KIAA1549: variants seen among roughly 807,000 people sequenced by gnomAD.
KIAA1549 encodes UPF0606 protein KIAA1549.
Under a neutral mutation model 156.4 loss-of-function variants are expected in KIAA1549, and 70 were observed. The observed-to-expected ratio is 0.45, with a 90% confidence interval of 0.37 to 0.55. The LOEUF (loss-of-function observed/expected upper bound fraction) is 0.55. KIAA1549 is among the 20% of genes least tolerant of loss of function. The probability of loss-of-function intolerance (pLI) is 0.00; values close to 1 mark genes in which losing one functional copy is unlikely to be tolerated. For missense variants in KIAA1549, 2,428 were observed against 2,540.9 expected (o/e 0.96, Z 0.96); for synonymous variants, 1,103 against 1,066.4 (o/e 1.03, Z -0.67).
At position 138,951,961 on chromosome 7, in the gene KIAA1549, G is replaced by A. The variant is rs543128465; in HGVS notation, c.187+29122C>T. Among the ~76,000 whole-genome samples the A allele has an allele frequency of 9.9e-5, 15 of 152,220 alleles. No individual in the cohort carries two copies. The East Asian group carries it at 2.9e-3, about 29-fold the overall frequency. ...TACTAAAAGAATCGCCTCTGGAATC[G>A]AACAATCTGGACTGGAATCTCCATG... On this transcript the variant is annotated intron_variant, in intron 1 of 19. Transcript: ENST00000422774.
intron 1 of KIAA1549, among the ~76,000 whole-genome samples, chr7:138,964,659 A>T (rs1440096863): frequency 6.6e-6 from 1 of 152,200 alleles, no homozygotes; most frequent in Non-Finnish European, 1.5e-5. Context: ...GAACAATCAG[A>T]GAAATGCACC....
intron 13 of KIAA1549, among the ~76,000 whole-genome samples, chr7:138,870,653 T>C (rs1810901075): frequency 6.6e-6 from 1 of 152,200 alleles, no homozygotes; most frequent in Non-Finnish European, 1.5e-5. Context: ...TTTCTGCATG[T>C]CTGCCAATGC....
chr7:138,956,122 G>A (rs970789799), intron 1 of KIAA1549, among the ~76,000 whole-genome samples: 5 of 152,070 alleles, frequency 3.3e-5, no homozygotes, highest in Non-Finnish European at 5.9e-5. Flanking sequence ...TTGAACTCCC[G>A]ACCTCAAGCG....
intron 1 of KIAA1549, among the ~76,000 whole-genome samples, chr7:138,975,280 T>C (rs997319600): frequency 2.0e-5 from 3 of 152,112 alleles, no homozygotes; most frequent in Non-Finnish European, 2.9e-5. Flanking sequence ...GTATGGGTCT[T>C]GAGTGTGTGG....
chr7:138,940,713 G>A (rs1200059148), intron 1 of KIAA1549, among the ~76,000 whole-genome samples: 1 of 152,158 alleles, frequency 6.6e-6, no homozygotes, highest in African/African-American at 2.4e-5. Context: ...CATTCTAACT[G>A]GTGTGAGATG....
rs756111934 is a variant in KIAA1549 at position 138,918,740 on chromosome 7, C to T, written c.886G>A (p.Gly296Ser). 82 of 1,613,640 alleles carry T rather than the reference C, an allele frequency of 5.1e-5. No homozygotes were observed. Among genetic ancestry groups the T allele is most frequent in the Middle Eastern group, 1.6e-4 (1 of 6,082 alleles). The part of the protein sequence containing the change: ...RSLMPQPLGD[G>S]ITIPLPSLGE... ...AAGGAGGGCAACGGTATAGTAATGC[C>T]GTCGCCTAACGGCTGTGGCATTAAA... Residue 296 changes from glycine (G) to serine (S), a missense_variant, in exon 2 of 20, where the codon GGC (glycine) becomes AGC (serine). Coordinates refer to ENST00000422774, the MANE Select transcript of KIAA1549 (RefSeq NM_001164665.2). This position sits in a 1 kb window ranked among gnomAD's most constrained non-coding sequence, Gnocchi z 4.2.
chr7:138,856,953 G>C (rs926328568), intron 16 of KIAA1549, among the ~76,000 whole-genome samples: 2 of 152,172 alleles, frequency 1.3e-5, no homozygotes, highest in Admixed American at 1.3e-4. Flanking sequence ...AGAAGAAAAA[G>C]ACAGAGGAAG....
chr7:138,901,004 T>A (rs559812892), intron 8 of KIAA1549, among the ~76,000 whole-genome samples: 44 of 152,340 alleles, frequency 2.9e-4, no homozygotes, highest in African/African-American at 1.0e-3. Flanking sequence ...AATCCCAGTA[T>A]CCTTTCTAGA....
At chr7:138,928,256 T>C (rs1250847950) in intron 1 of KIAA1549, among the ~76,000 whole-genome samples, 1 of 150,486 alleles carries the variant, frequency 6.6e-6, no homozygotes. Context: ...CCCATTTTTC[T>C]TTTGGGTTGT....
chr7:138,898,911 G>A, intron 9 of KIAA1549, 44 bp downstream of exon 9: 2 of 1,590,816 alleles, frequency 1.3e-6, no homozygotes, highest in East Asian at 4.5e-5. Flanking sequence ...TGGCTTTGGT[G>A]CCCAGCACAG....
chr7:138,943,464 T>C (rs996118314), intron 1 of KIAA1549, among the ~76,000 whole-genome samples: 1 of 152,348 alleles, frequency 6.6e-6, no homozygotes, highest in Middle Eastern at 3.4e-3. Flanking sequence ...CTTTTTATAA[T>C]TGACAAAATA....
In KIAA1549 at chr7:138,894,460, A is replaced by G; in HGVS notation, c.3914T>C (p.Val1305Ala). The change falls in exon 10 of 20, where the codon GTG becomes GCG. Residue 1305 changes from valine to alanine, a missense_variant. Transcript: ENST00000422774. ...CATCACCACCAGCACTGGGATGACC[A>G]CGCCAACAATGACCCACAAGTTGTT... is the stretch of plus-strand genomic sequence containing the variant. ...QSNNLWVIVGVVIPVLVVMVI... is the reference protein window; with the variant it reads ...QSNNLWVIVGAVIPVLVVMVI... The G allele has an allele frequency of 5.0e-6, 8 of 1,614,032 alleles. No individual in the cohort carries two copies. Among genetic ancestry groups the G allele is most frequent in the Non-Finnish European group, 6.8e-6 (8 of 1,179,892 alleles).
intron 12 of KIAA1549, among the ~76,000 whole-genome samples, chr7:138,877,368 T>C (rs1263532997): frequency 2.6e-5 from 4 of 151,932 alleles, no homozygotes; most frequent in African/African-American, 4.8e-5. Context: ...GTGGTATACG[T>C]CTGTAATCCC....
At chr7:138,900,263 G>A (rs1811804573) in intron 8 of KIAA1549, among the ~76,000 whole-genome samples, 1 of 152,036 alleles carries the variant, frequency 6.6e-6, no homozygotes, top group Non-Finnish European at 1.5e-5. Context: ...AACAACACAC[G>A]TCCAAACCCT....
chr7:138,973,445 C>T (rs1184314157), intron 1 of KIAA1549, among the ~76,000 whole-genome samples: 2 of 152,048 alleles, frequency 1.3e-5, no homozygotes, highest in East Asian at 1.9e-4. Context: ...TAGAGGAAAA[C>T]TCTCTCCTCC....
At chr7:138,971,165 T>C (rs1044322664) in intron 1 of KIAA1549, among the ~76,000 whole-genome samples, 2 of 152,162 alleles carry the variant, frequency 1.3e-5, no homozygotes, top group African/African-American at 2.4e-5. Flanking sequence ...AAGACTGGCC[T>C]TCCAACTTCA....
At chr7:138,888,974 A>C (rs1811477838) in intron 10 of KIAA1549, among the ~76,000 whole-genome samples, 1 of 152,200 alleles carries the variant, frequency 6.6e-6, no homozygotes, top group Non-Finnish European at 1.5e-5. Flanking sequence ...CTTTTACCCC[A>C]GCAGCACTTC....
intron 1 of KIAA1549, among the ~76,000 whole-genome samples, chr7:138,935,195 A>C (rs1305582787): frequency 6.6e-6 from 1 of 152,208 alleles, no homozygotes; most frequent in Non-Finnish European, 1.5e-5. Context: ...GGCTTTTAAA[A>C]ATTCAACTAT....
chr7:138,922,999 A>G (rs1812606289), intron 1 of KIAA1549, among the ~76,000 whole-genome samples: 1 of 152,214 alleles, frequency 6.6e-6, no homozygotes. Context: ...TCATGATACC[A>G]TAGACCAAAG....
Sources: gnomAD v4.1 joint callset for allele counts (sites outside exome capture counted in the v4.1 genomes callset) on GRCh38, gnomAD v4.1.1 for gene constraint, Gnocchi (gnomAD v3.1) non-coding constraint, MANE v1.5 for transcripts, NCBI Gene and HGNC (gene_info 2026-07-23, HGNC 2026-07-21) for gene names.